Variants in ATAD2 observed in about 807,000 individuals in gnomAD.
ATAD2 encodes the protein ATPase family AAA domain containing 2.
A neutral mutation model predicts 168.9 loss-of-function variants in ATAD2; 62 were observed. The observed-to-expected ratio is 0.37, with a 90% CI of 0.30 to 0.45. ATAD2 has a LOEUF of 0.45. Ranked by LOEUF, ATAD2 falls within the 20% of genes least tolerant of loss-of-function variation. The pLI is 1.00. For synonymous variants in ATAD2, 613 were observed against 571.6 expected, an observed-to-expected ratio of 1.07 and a Z score of -1.03; for missense variants, 1,419 against 1,667.8, an observed-to-expected ratio of 0.85 and a Z score of 2.60.
chr8:123,346,826 A>G lies in ATAD2; in HGVS notation c.2213-76T>C. ...TCTTTATTGCTTCAGTTACCAAGTCAGCATACTTCAATTAAATTTTTTCAA... is the reference window on the plus strand; with the variant it reads ...TCTTTATTGCTTCAGTTACCAAGTCGGCATACTTCAATTAAATTTTTTCAA... On this transcript the variant is annotated intron_variant, in intron 16 of 27. Transcript: ENST00000287394. The G allele has an allele frequency of 2.2e-6, 3 of 1,383,022 alleles. No homozygotes were observed. In the South Asian group the frequency reaches 4.0e-5, roughly 18 times the overall value. The allele number at this position is 1,383,022 out of a possible 1,614,324, so 85.7% of individuals were successfully genotyped here. A position where few individuals can be genotyped will look rare whatever the true frequency, so the allele number is the denominator to read the frequency against.
chr8:123,337,885 A>C, intron 20 of ATAD2, 64 bp from the exon 21 acceptor site: 7 of 1,443,896 alleles, frequency 4.8e-6, no homozygotes, highest in Non-Finnish European at 6.5e-6. Flanking sequence ...CAAATGATTT[A>C]ATGAAAACAG....
At chr8:123,329,545 G>A (rs1378538192) in intron 24 of ATAD2, among the ~76,000 whole-genome samples, 5 of 151,876 alleles carry the variant, frequency 3.3e-5, no homozygotes, top group African/African-American at 7.3e-5. Context: ...GGCGGATCAC[G>A]AGGTCAGGTG....
upstream of ATAD2, chr8:123,400,763 C>T (rs897943155): frequency 8.2e-5 from 65 of 795,196 alleles, no homozygotes; most frequent in Admixed American, 2.6e-4. This position sits in a 1 kb window ranked among gnomAD's most constrained non-coding sequence, Gnocchi z 4.5. Context: ...ACGCTGAAGA[C>T]GCCGCTGATC....
Position 123,360,332 on chromosome 8 carries a change from TTTG to T in ATAD2, c.1158-650_1158-648del, listed in dbSNP as rs993743045. ...AGCAAGTTCCCTAACTACTTCCTTT[TTTG>T]TTGTTTTGTTTTGTCTTTTGGGTTT... On this transcript the variant is annotated intron_variant, in intron 9 of 27. Transcript: ENST00000287394. Among the ~76,000 whole-genome samples, 18 of 152,244 alleles carry T rather than the reference TTTG, an allele frequency of 1.2e-4. No individual in the cohort carries two copies. In the East Asian group the frequency reaches 3.3e-3, roughly 28 times the overall value.
At chr8:123,354,888 T>TATATATATATATA (rs1828590688) in intron 13 of ATAD2, among the ~76,000 whole-genome samples, 5 of 131,322 alleles carry the variant, frequency 3.8e-5, no homozygotes, top group African/African-American at 1.2e-4. Flanking sequence ...TATATATATA[T>TATATATATATATA]TTGAGATGGC....
At chr8:123,322,808 G>T in intron 27 of ATAD2, 130 bp downstream of exon 27, 1 of 936,702 alleles carries the variant, frequency 1.1e-6, no homozygotes, top group Non-Finnish European at 1.5e-6. Context: ...TTTGGAAATA[G>T]AAAGATGGTC....
intron 1 of ATAD2, among the ~76,000 whole-genome samples, chr8:123,406,236 G>C (rs2130033347): frequency 6.6e-6 from 1 of 151,988 alleles, no homozygotes; most frequent in African/African-American, 2.4e-5. Flanking sequence ...AATTAGTTGG[G>C]TGTGGTGGCA....
At chr8:123,379,639 T>C (rs893144842) in intron 2 of ATAD2, among the ~76,000 whole-genome samples, 1 of 151,588 alleles carries the variant, frequency 6.6e-6, no homozygotes, top group African/African-American at 2.4e-5. Context: ...CTTGCCTCAC[T>C]GCAATCTCTG....
chr8:123,372,142 G>A (rs939273970), intron 3 of ATAD2, among the ~76,000 whole-genome samples: 1 of 152,138 alleles, frequency 6.6e-6, no homozygotes, highest in East Asian at 1.9e-4. Flanking sequence ...AAAAGGTGAA[G>A]AGATAAATTG....
intron 2 of ATAD2, among the ~76,000 whole-genome samples, chr8:123,379,736 T>A (rs897282763): frequency 1.5e-4 from 22 of 150,844 alleles, no homozygotes; most frequent in Non-Finnish European, 2.1e-4. Flanking sequence ...CTATATTTTT[T>A]AAATTTTATT....
intron 24 of ATAD2, among the ~76,000 whole-genome samples, chr8:123,332,436 GTAAA>G (rs1182745658): frequency 1.3e-5 from 2 of 152,110 alleles, no homozygotes; most frequent in Non-Finnish European, 2.9e-5. Context: ...ATCCTAAAAA[GTAAA>G]TAATATCCTG....
upstream of ATAD2, among the ~76,000 whole-genome samples, chr8:123,396,877 C>T (rs1812873043): frequency 6.6e-6 from 1 of 151,922 alleles, no homozygotes; most frequent in East Asian, 1.9e-4. Context: ...CAGTCCTTGA[C>T]TGGAGGGAAA....
At chr8:123,356,837 T>G (rs1303453040) in intron 12 of ATAD2, among the ~76,000 whole-genome samples, 1 of 151,944 alleles carries the variant, frequency 6.6e-6, no homozygotes, top group Non-Finnish European at 1.5e-5. Context: ...TAACGGGGTT[T>G]TAAGAATTCA....
intron 3 of ATAD2, 144 bp from the exon 4 acceptor site, chr8:123,371,979 G>A: frequency 1.1e-6 from 1 of 870,276 alleles, no homozygotes. Context: ...AAAAACATCA[G>A]AAAACAAAAA....
intron 19 of ATAD2, among the ~76,000 whole-genome samples, chr8:123,343,457 T>C (rs1388610575): frequency 6.6e-6 from 1 of 152,234 alleles, no homozygotes; most frequent in African/African-American, 2.4e-5. Flanking sequence ...ATACACGTTT[T>C]TGTGTATCTT....
At chr8:123,400,670 A>G, upstream of ATAD2, 1 of 724,278 alleles carries the variant, frequency 1.4e-6, no homozygotes. This position sits in a 1 kb window ranked among gnomAD's most constrained non-coding sequence, Gnocchi z 4.5. Context: ...AGCCTCACCT[A>G]CAACGAGTTC....
intron 1 of ATAD2, among the ~76,000 whole-genome samples, chr8:123,393,000 C>T (rs529170351): frequency 3.2e-4 from 48 of 152,122 alleles, no homozygotes; most frequent in Non-Finnish European, 5.6e-4. Context: ...CTGGCCAACA[C>T]GGTGAAACCT....
Position 123,356,481 on chromosome 8 carries a change from G to C in ATAD2, c.1558-4C>G. The C allele has an allele frequency of 1.2e-6, 2 of 1,608,070 alleles. No homozygotes were observed. Among genetic ancestry groups the C allele is most frequent in the East Asian group, 2.2e-5 (1 of 44,680 alleles). ...TTGATGGGCGCATCTGATAGGCCTAGAAAGTAGGTGGAGTGGTCATTTGTT... is the reference window on the plus strand; with the variant it reads ...TTGATGGGCGCATCTGATAGGCCTACAAAGTAGGTGGAGTGGTCATTTGTT... On this transcript the variant is annotated splice_region_variant and splice_polypyrimidine_tract_variant and intron_variant, in intron 12 of 27. Coordinates refer to ENST00000287394, the MANE Select transcript of ATAD2 (RefSeq NM_014109.4).
upstream of ATAD2, chr8:123,401,401 G>A (rs538019010): frequency 9.3e-5 from 129 of 1,385,780 alleles, no homozygotes; most frequent in Non-Finnish European, 1.2e-4. Context: ...GGACTTGTCC[G>A]AAGGGAACTT....
Sources: gnomAD v4.1 joint callset for allele counts (sites outside exome capture counted in the v4.1 genomes callset) on GRCh38, gnomAD v4.1.1 for gene constraint, Gnocchi (gnomAD v3.1) non-coding constraint, MANE v1.5 for transcripts, NCBI Gene and HGNC (gene_info 2026-07-23, HGNC 2026-07-21) for gene names.